Variants in ZNF385D observed in about 807,000 individuals in gnomAD.
ZNF385D encodes the protein zinc finger protein 385D, also known as zinc finger protein 659.
A neutral mutation model predicts 35.8 loss-of-function variants in ZNF385D; 15 were observed. The observed-to-expected ratio is 0.42, with a 90% CI of 0.28 to 0.64. ZNF385D has a LOEUF of 0.64. ZNF385D is among the 30% of genes least tolerant of loss of function. The pLI, the probability that ZNF385D is intolerant of heterozygous loss-of-function variation, is 0.23. For synonymous variants in ZNF385D, 212 were observed against 186.8 expected (o/e 1.13, Z -1.10); for missense variants, 474 against 494.6 (o/e 0.96, Z 0.39).
intron 2 of ZNF385D, among the ~76,000 whole-genome samples, chr3:22,252,019 C>T (rs2638153): frequency 0.88 from 133,823 of 152,088 alleles, 59,246 homozygotes; most frequent in East Asian, 1. Context: ...ATTTAAAAGC[C>T]GAAATTGAAA....
At chr3:21,908,622 A>G (rs1351702565) in intron 3 of ZNF385D, among the ~76,000 whole-genome samples, 1 of 152,072 alleles carries the variant, frequency 6.6e-6, no homozygotes, top group African/African-American at 2.4e-5. Flanking sequence ...CTAAGGATGG[A>G]ACCTGTAAGT....
At chr3:22,253,131 T>G (rs1044726582) in intron 2 of ZNF385D, among the ~76,000 whole-genome samples, 1 of 151,990 alleles carries the variant, frequency 6.6e-6, no homozygotes, top group Non-Finnish European at 1.5e-5. Context: ...ATGGATAGAC[T>G]GTGGTGACAA....
intron 3 of ZNF385D, among the ~76,000 whole-genome samples, chr3:22,165,337 A>G (rs886250951): frequency 6.6e-6 from 1 of 152,102 alleles, no homozygotes; most frequent in Non-Finnish European, 1.5e-5. Context: ...TAAGAAAAAA[A>G]GCTGAGTAGT....
At chr3:21,973,327 T>C (rs1309761465) in intron 3 of ZNF385D, among the ~76,000 whole-genome samples, 1 of 151,980 alleles carries the variant, frequency 6.6e-6, no homozygotes, top group East Asian at 1.9e-4. Flanking sequence ...CATATGATAA[T>C]TTCACTTGAT....
intron 1 of ZNF385D, among the ~76,000 whole-genome samples, chr3:21,723,805 C>T (rs977355000): frequency 2.0e-5 from 3 of 152,008 alleles, no homozygotes; most frequent in Non-Finnish European, 4.4e-5. Context: ...GAGAACACCA[C>T]GAAGATACTC....
intron 3 of ZNF385D, among the ~76,000 whole-genome samples, chr3:21,529,663 C>T (rs2061876061): frequency 6.6e-6 from 1 of 152,076 alleles, no homozygotes. Flanking sequence ...GATAGCATAA[C>T]TCTTCATTAA....
chr3:22,222,241 T>A lies in ZNF385D; in HGVS notation c.107-53206A>T, dbSNP rs11920926. On this transcript the variant is annotated intron_variant, in intron 2 of 5. Coordinates refer to the ZNF385D transcript ENST00000494108. ...GCCTTGGCCTCTCAAAGTGCTGGGA[T>A]AACAGGCATGAGCCACGTCCGGCTA... 4.8e-3 allele frequency among the ~76,000 whole-genome samples: 736 copies of A among 151,920 alleles called. 10 individuals are homozygous for A. Among genetic ancestry groups the A allele is most frequent in the African/African-American group, 0.017 (690 of 41,402 alleles).
intron 2 of ZNF385D, among the ~76,000 whole-genome samples, chr3:22,285,767 C>T (rs900069893): frequency 1.3e-5 from 2 of 152,038 alleles, no homozygotes; most frequent in Middle Eastern, 3.2e-3. Context: ...TTAACATTCA[C>T]TTTGTCTTCA....
intron 2 of ZNF385D, among the ~76,000 whole-genome samples, chr3:21,589,964 C>A (rs2063921635): frequency 6.6e-6 from 1 of 152,070 alleles, no homozygotes; most frequent in South Asian, 2.1e-4. Flanking sequence ...TAAGACCCAG[C>A]AATTTCTTTT....
At chr3:22,313,261 A>C (rs1403207526) in intron 2 of ZNF385D, among the ~76,000 whole-genome samples, 14 of 91,632 alleles carry the variant, frequency 1.5e-4, no homozygotes, top group African/African-American at 5.1e-4. Context: ...CGGTCGGGGG[A>C]GGGGGGAGGG....
intron 1 of ZNF385D, among the ~76,000 whole-genome samples, chr3:21,713,096 C>A (rs80003932): frequency 2.0e-5 from 3 of 152,168 alleles, no homozygotes; most frequent in Non-Finnish European, 2.9e-5. Context: ...CAAGAGAATA[C>A]CCTATGCACT....
chr3:21,933,330 A>G (rs1046442798), intron 3 of ZNF385D, among the ~76,000 whole-genome samples: 12 of 152,180 alleles, frequency 7.9e-5, no homozygotes, highest in Admixed American at 5.2e-4. Context: ...AATTTCTCTG[A>G]CTTTGAATAG....
chr3:21,743,533 G>C lies in ZNF385D; in HGVS notation c.22+7362C>G, dbSNP rs79107874. 5.9e-3 allele frequency among the ~76,000 whole-genome samples: 904 copies of C among 152,316 alleles called. 8 individuals are homozygous for C. The highest frequency in any genetic ancestry group is 0.02 in the African/African-American group (830 of 41,582). On this transcript the variant is annotated intron_variant, in intron 1 of 7. Transcript: ENST00000281523. ...CAGTCCAAGTTCAAGGCGTAGGCCTGGTTTGGTTTTGGTTAGGCTTTCTTC... is the reference window on the plus strand; with the variant it reads ...CAGTCCAAGTTCAAGGCGTAGGCCTCGTTTGGTTTTGGTTAGGCTTTCTTC...
intron 3 of ZNF385D, among the ~76,000 whole-genome samples, chr3:21,802,757 A>G (rs1476505488): frequency 6.6e-6 from 1 of 152,154 alleles, no homozygotes; most frequent in Non-Finnish European, 1.5e-5. Context: ...TGACTCTTAA[A>G]TATAAGCATA....
intron 3 of ZNF385D, among the ~76,000 whole-genome samples, chr3:22,117,970 G>A (rs781064590): frequency 1.3e-5 from 2 of 151,954 alleles, no homozygotes; most frequent in Non-Finnish European, 2.9e-5. Context: ...GAAGTAACAA[G>A]AAGAATAAAG....
chr3:21,453,287 A>G (rs964781465), intron 4 of ZNF385D, among the ~76,000 whole-genome samples: 7 of 151,990 alleles, frequency 4.6e-5, no homozygotes, highest in African/African-American at 1.7e-4. Context: ...ATAGGAATAA[A>G]TATTTGTGAC....
At chr3:22,301,872 A>G (rs1702920272) in intron 2 of ZNF385D, among the ~76,000 whole-genome samples, 1 of 152,070 alleles carries the variant, frequency 6.6e-6, no homozygotes, top group African/African-American at 2.4e-5. Context: ...TACTGCATGT[A>G]TTCTCTGCTT....
intron 3 of ZNF385D, among the ~76,000 whole-genome samples, chr3:21,897,394 C>T (rs1296301583): frequency 2.0e-5 from 3 of 152,080 alleles, no homozygotes; most frequent in Non-Finnish European, 4.4e-5. Flanking sequence ...TCTGAGTATC[C>T]GTAGTCTCAT....
intron 3 of ZNF385D, among the ~76,000 whole-genome samples, chr3:21,837,540 C>G (rs546571922): frequency 6.6e-6 from 1 of 152,072 alleles, no homozygotes; most frequent in South Asian, 2.1e-4. Context: ...TTTTCTGCAA[C>G]TTATTGTTCA....
Sources: gnomAD v4.1 joint callset for allele counts (sites outside exome capture counted in the v4.1 genomes callset) on GRCh38, gnomAD v4.1.1 for gene constraint, MANE v1.5 for transcripts, NCBI Gene and HGNC (gene_info 2026-07-23, HGNC 2026-07-21) for gene names.